The following FSTL5 variants were observed in gnomAD, a reference collection of about 807,000 sequenced individuals.
FSTL5 encodes follistatin-related protein 5.
Under a neutral mutation model 89.1 loss-of-function variants are expected in FSTL5, and 62 were observed. The observed-to-expected ratio is 0.70, with a 90% confidence interval of 0.57 to 0.86. The LOEUF is 0.86. FSTL5 is among the 40% of genes least tolerant of loss of function. The pLI, the probability that FSTL5 is intolerant of heterozygous loss-of-function variation, is 0.00. For missense variants in FSTL5, 1,057 were observed against 1,001.6 expected (o/e 1.06, Z -0.75); for synonymous variants, 383 against 346.2 (o/e 1.11, Z -1.18).
intron 13 of FSTL5, among the ~76,000 whole-genome samples, chr4:161,461,194 C>T (rs1249011859): frequency 6.6e-6 from 1 of 151,252 alleles, no homozygotes; most frequent in East Asian, 2.0e-4. Flanking sequence ...CGGTGGCTCA[C>T]GCCTGTAGTC....
intron 11 of FSTL5, among the ~76,000 whole-genome samples, chr4:161,502,781 G>C (rs4388041): frequency 0.19 from 29,289 of 151,608 alleles, 3,474 homozygotes; most frequent in South Asian, 0.3. Flanking sequence ...TCAATTTGCT[G>C]CTTTGATATT....
chr4:161,691,702 T>C (rs76442211), intron 6 of FSTL5, among the ~76,000 whole-genome samples: 2,370 of 152,268 alleles, frequency 0.016, 29 homozygotes, highest in Non-Finnish European at 0.023. Context: ...TTTGGCAGTG[T>C]TTTGTAGTTC....
intron 2 of FSTL5, among the ~76,000 whole-genome samples, chr4:162,078,692 AC>A (rs1439365801): frequency 1.3e-5 from 2 of 151,786 alleles, no homozygotes; most frequent in African/African-American, 4.8e-5. Flanking sequence ...CTTTTCATTG[AC>A]CTGGATGTTT....
chr4:161,976,424 G>C (rs1390852859), intron 3 of FSTL5, among the ~76,000 whole-genome samples: 2 of 152,062 alleles, frequency 1.3e-5, no homozygotes. Context: ...TGGGACTCAG[G>C]CATTAGTCGT....
At chr4:162,145,380 T>G (rs1409546432) in intron 1 of FSTL5, among the ~76,000 whole-genome samples, 6 of 152,048 alleles carry the variant, frequency 3.9e-5, no homozygotes, top group Non-Finnish European at 2.9e-5. Flanking sequence ...AAATGCAAAT[T>G]TAAAGAGGTT....
intron 15 of FSTL5, among the ~76,000 whole-genome samples, chr4:161,398,162 C>A (rs978872217): frequency 6.6e-6 from 1 of 151,890 alleles, no homozygotes; most frequent in African/African-American, 2.4e-5. Context: ...CAGTATTTAC[C>A]CTTAATAAAT....
intron 4 of FSTL5, among the ~76,000 whole-genome samples, chr4:161,867,476 G>A (rs1051818465): frequency 4.6e-5 from 7 of 151,806 alleles, no homozygotes; most frequent in Non-Finnish European, 1.0e-4. Flanking sequence ...GAATATTATG[G>A]TTAACTTTAG....
intron 6 of FSTL5, among the ~76,000 whole-genome samples, chr4:161,723,705 A>G (rs964470304): frequency 6.6e-6 from 1 of 152,176 alleles, no homozygotes; most frequent in Non-Finnish European, 1.5e-5. Context: ...CTGATTTGAA[A>G]ATGGAAACTA....
At chr4:161,700,612 A>G (rs989776282) in intron 6 of FSTL5, among the ~76,000 whole-genome samples, 1 of 152,022 alleles carries the variant, frequency 6.6e-6, no homozygotes, top group Non-Finnish European at 1.5e-5. Context: ...CCTAGGTTCA[A>G]GCAATCCACC....
At chr4:161,469,787 A>G (rs929872594) in intron 13 of FSTL5, among the ~76,000 whole-genome samples, 8 of 151,620 alleles carry the variant, frequency 5.3e-5, no homozygotes, top group African/African-American at 9.7e-5. Flanking sequence ...ACAGGCGCCC[A>G]CCACCACGCC....
intron 2 of FSTL5, among the ~76,000 whole-genome samples, chr4:162,102,788 A>ATATTTATTTATAT (rs1579029473): frequency 4.1e-5 from 6 of 147,604 alleles, no homozygotes; most frequent in South Asian, 2.1e-4. Flanking sequence ...ATATTTATAT[A>ATATTTATTTATAT]TGGAGTGATC....
chr4:161,605,050 A>G (rs1734388672), intron 7 of FSTL5, among the ~76,000 whole-genome samples: 1 of 152,174 alleles, frequency 6.6e-6, no homozygotes, highest in African/African-American at 2.4e-5. Context: ...AAGCTAAGAA[A>G]ACAAATGGTC....
intron 13 of FSTL5, among the ~76,000 whole-genome samples, chr4:161,462,637 T>A (rs191017024): frequency 2.6e-5 from 4 of 152,308 alleles, no homozygotes; most frequent in Non-Finnish European, 1.5e-5. Context: ...AGGGTTATTG[T>A]GAGTATTAGG....
chr4:161,454,113 C>T (rs1733267106), intron 15 of FSTL5, among the ~76,000 whole-genome samples: 1 of 152,092 alleles, frequency 6.6e-6, no homozygotes, highest in South Asian at 2.1e-4. Flanking sequence ...ATTCTCACAA[C>T]TGCAATTTTT....
intron 4 of FSTL5, among the ~76,000 whole-genome samples, chr4:161,804,733 A>G (rs17041571): frequency 0.14 from 21,083 of 152,062 alleles, 2,780 homozygotes; most frequent in African/African-American, 0.34. Context: ...TCAGTTAAGT[A>G]CAAGATGAGA....
At chr4:161,446,535 T>C (rs1022124279) in intron 15 of FSTL5, among the ~76,000 whole-genome samples, 5 of 152,012 alleles carry the variant, frequency 3.3e-5, no homozygotes, top group Non-Finnish European at 5.9e-5. Flanking sequence ...GCCCTTTTCC[T>C]TTGACAGAAA....
intron 2 of FSTL5, among the ~76,000 whole-genome samples, chr4:162,101,290 C>T (rs77383710): frequency 0.01 from 1,590 of 152,292 alleles, 28 homozygotes; most frequent in African/African-American, 0.035. Context: ...GCTTCAACAG[C>T]AGTCAGGGTA....
chr4:161,442,500 C>T (rs1165041729), intron 15 of FSTL5, among the ~76,000 whole-genome samples: 1 of 152,088 alleles, frequency 6.6e-6, no homozygotes, highest in Non-Finnish European at 1.5e-5. Flanking sequence ...ACTGGCAATT[C>T]TCTGTGTCCA....
chr4:161,849,651 C>T (rs1560880164), intron 4 of FSTL5, among the ~76,000 whole-genome samples: 1 of 151,808 alleles, frequency 6.6e-6, no homozygotes, highest in African/African-American at 2.4e-5. Flanking sequence ...AATGACTCGA[C>T]ATGTGAAGAT....
Sources: gnomAD v4.1 joint callset for allele counts (sites outside exome capture counted in the v4.1 genomes callset) on GRCh38, gnomAD v4.1.1 for gene constraint, MANE v1.5 for transcripts, NCBI Gene and HGNC (gene_info 2026-07-23, HGNC 2026-07-21) for gene names.